PIK3AP1: variants seen among roughly 807,000 people sequenced by gnomAD.
PIK3AP1 encodes phosphoinositide-3-kinase adaptor protein 1.
A neutral mutation model predicts 88.1 loss-of-function variants in PIK3AP1; 21 were observed. The observed-to-expected ratio is 0.24, with a 90% CI of 0.17 to 0.34. The LOEUF (loss-of-function observed/expected upper bound fraction) is 0.34, where lower values mean the gene tolerates loss of function less well. PIK3AP1 is among the 10% of genes least tolerant of loss of function. PIK3AP1 has a pLI of 1.00. For missense variants in PIK3AP1, 828 were observed against 1,035.7 expected (o/e 0.80, Z 2.75); for synonymous variants, 398 against 400.0 (o/e 1.00, Z 0.06).
Position 96,709,703 on chromosome 10 carries a change from C to A in PIK3AP1, c.294G>T (p.Val98=). The change falls in exon 2 of 17, where the codon GTG becomes GTT. Residue 98 remains valine (V), a synonymous_variant. Transcript: ENST00000339364. ...CCCGCACGCCGCAGAGCAGCCTGAC[C>A]ACGCGGTGCGGAGGATGGAAAGCTC... ...LQRAFHPPHR[V]VRLLCGVRDS... The A allele has an allele frequency of 6.2e-7, 1 of 1,614,236 alleles. No individual in the cohort carries two copies.
intron 16 of PIK3AP1, among the ~76,000 whole-genome samples, chr10:96,598,011 A>G (rs148415978): frequency 6.8e-6 from 1 of 147,566 alleles, no homozygotes; most frequent in Non-Finnish European, 1.5e-5. Flanking sequence ...TTGCAGACCT[A>G]TAATTATAGT....
intron 8 of PIK3AP1, among the ~76,000 whole-genome samples, chr10:96,628,918 A>ATATATT (rs1554955404): frequency 2.9e-4 from 36 of 122,534 alleles, no homozygotes; most frequent in African/African-American, 9.9e-4. Context: ...GTGTATATAT[A>ATATATT]TATATATATA....
chr10:96,600,193 C>A (rs988246533), intron 16 of PIK3AP1, among the ~76,000 whole-genome samples: 2 of 152,216 alleles, frequency 1.3e-5, no homozygotes, highest in African/African-American at 4.8e-5. Flanking sequence ...TTGCCACACA[C>A]AGCAAGTCTC....
At chr10:96,639,374 C>T (rs955744734) in intron 8 of PIK3AP1, among the ~76,000 whole-genome samples, 2 of 152,128 alleles carry the variant, frequency 1.3e-5, no homozygotes, top group Non-Finnish European at 2.9e-5. Flanking sequence ...TGCTTCCTAT[C>T]GAGGCCAGGA....
intron 1 of PIK3AP1, among the ~76,000 whole-genome samples, chr10:96,716,497 A>T (rs565737577): frequency 6.6e-6 from 1 of 152,300 alleles, no homozygotes; most frequent in South Asian, 2.1e-4. Context: ...AATGAGGACA[A>T]TGAAATCTAT....
chr10:96,630,105 C>T lies in PIK3AP1; in HGVS notation c.1376-1612G>A, dbSNP rs531750150. On this transcript the variant is annotated intron_variant, in intron 8 of 16. Transcript: ENST00000339364. ...TTATATTTTAGCTTTTCAGCCTATTCGAAAAAATAAAGAAATGCAGTATTC... is the reference window on the plus strand; with the variant it reads ...TTATATTTTAGCTTTTCAGCCTATTTGAAAAAATAAAGAAATGCAGTATTC... 3.9e-5 allele frequency among the ~76,000 whole-genome samples: 6 copies of T among 151,922 alleles called. 1 individual carries two copies. The highest frequency in any genetic ancestry group is 1.4e-4 in the African/African-American group (6 of 41,418).
intron 2 of PIK3AP1, among the ~76,000 whole-genome samples, chr10:96,669,197 A>T (rs568693495): frequency 6.6e-6 from 1 of 152,302 alleles, no homozygotes; most frequent in South Asian, 2.1e-4. Context: ...CAAGGTCTGG[A>T]GAAACTTCCA....
At chr10:96,717,212 C>T (rs530977800) in intron 1 of PIK3AP1, among the ~76,000 whole-genome samples, 1 of 144,434 alleles carries the variant, frequency 6.9e-6, no homozygotes, top group Admixed American at 7.4e-5. Context: ...GAGCCAAGAT[C>T]GTGTCACTGC....
rs142318114 is a variant in PIK3AP1 at position 96,710,095 on chromosome 10, T to C, written c.14-112A>G. The C allele has an allele frequency of 1.2e-3, 1,281 of 1,061,778 alleles. 14 individuals carry two copies. In the African/African-American group the frequency reaches 0.018, roughly 15 times the overall value. The allele number at this position is 1,061,778 out of a possible 1,614,324, so 65.8% of individuals were successfully genotyped here. ...CACTGGGTCTGGCACCCACAATCTT[T>C]CGTGGTGTGCCTCCAGCACACCAGC... On this transcript the variant is annotated intron_variant, in intron 1 of 16. Coordinates refer to ENST00000339364, the MANE Select transcript of PIK3AP1 (RefSeq NM_152309.3).
chr10:96,598,023 GGTTTTTTTT>G (rs1461525293), intron 16 of PIK3AP1, among the ~76,000 whole-genome samples: 7 of 20,416 alleles, frequency 3.4e-4, no homozygotes, highest in East Asian at 9.6e-3. Flanking sequence ...AATTATAGTG[GGTTTTTTTT>G]GTTTTTTTGT....
chr10:96,675,712 T>A (rs572884628), intron 2 of PIK3AP1, among the ~76,000 whole-genome samples: 5 of 152,356 alleles, frequency 3.3e-5, no homozygotes, highest in African/African-American at 1.2e-4. Context: ...ATAGAGATTA[T>A]AATTCCTACC....
intron 1 of PIK3AP1, among the ~76,000 whole-genome samples, chr10:96,717,894 T>C (rs561503654): frequency 1.3e-5 from 2 of 152,336 alleles, no homozygotes; most frequent in Non-Finnish European, 2.9e-5. Context: ...TTCTCCTGGA[T>C]TTCAACAAGC....
chr10:96,620,460 G>A lies in PIK3AP1; in HGVS notation c.1833C>T (p.Leu611=), dbSNP rs746809951. The change falls in exon 12 of 17, where the codon CTC becomes CTT. Residue 611 remains leucine (L), a synonymous_variant. Transcript: ENST00000339364. ...KTPGQRQLIT[L]QEQVKLGIVN... ...CAATGCCCAGCTTCACCTGCTCCTGGAGGGTGATAAGCTGCCGCTGGCCTG... is the reference window on the plus strand; with the variant it reads ...CAATGCCCAGCTTCACCTGCTCCTGAAGGGTGATAAGCTGCCGCTGGCCTG... 1 of 1,614,146 alleles carries A rather than the reference G, an allele frequency of 6.2e-7. No homozygotes were observed. The highest frequency in any genetic ancestry group is 8.5e-7 in the Non-Finnish European group (1 of 1,180,018).
At chr10:96,673,500 C>CT (rs922559101) in intron 2 of PIK3AP1, among the ~76,000 whole-genome samples, 2 of 152,154 alleles carry the variant, frequency 1.3e-5, no homozygotes, top group African/African-American at 4.8e-5. Flanking sequence ...TACCACAGCC[C>CT]CCCCCGAAAG....
intron 16 of PIK3AP1, among the ~76,000 whole-genome samples, chr10:96,599,595 A>T (rs748843697): frequency 3.9e-5 from 6 of 152,178 alleles, no homozygotes; most frequent in Non-Finnish European, 8.8e-5. Context: ...GCTGATGCCC[A>T]GATCTGACAG....
In PIK3AP1 at chr10:96,720,298, G is replaced by A; in HGVS notation, c.13+84C>T. 6.6e-6 allele frequency: 8 copies of A among 1,210,322 alleles called. No homozygotes were observed. The highest frequency in any genetic ancestry group is 8.3e-6 in the Non-Finnish European group (8 of 959,536). 75.0% of individuals were successfully genotyped at this position (1,210,322 alleles called of 1,614,324 possible). Reference sequence around the variant, plus strand: ...CCCCGCACAGAGGACGCAAACAGAAGCAAGCGGGGGAGCGCGCCTCAAGGG... The same window carrying A: ...CCCCGCACAGAGGACGCAAACAGAAACAAGCGGGGGAGCGCGCCTCAAGGG... On this transcript the variant is annotated intron_variant, in intron 1 of 16. Coordinates refer to ENST00000339364, the MANE Select transcript of PIK3AP1 (RefSeq NM_152309.3). The surrounding 1 kb of genome is among the most constrained non-coding windows in gnomAD (Gnocchi z 4.6).
rs760055985 is a variant in PIK3AP1, at chr10:96,616,620, AC to A, written c.2014+18del. ...ACAGCAATGTCCCACACAATGCAGC[AC>A]CCTAGGAAGCCACATACCTGTCTGC... On this transcript the variant is annotated intron_variant, in intron 13 of 16. Transcript: ENST00000339364. 6.2e-7 allele frequency: 1 copy of A among 1,612,372 alleles called. No homozygotes were observed. Among genetic ancestry groups the A allele is most frequent in the South Asian group, 1.1e-5 (1 of 91,044 alleles).
At chr10:96,680,424 C>T (rs1843983842) in intron 2 of PIK3AP1, among the ~76,000 whole-genome samples, 1 of 151,958 alleles carries the variant, frequency 6.6e-6, no homozygotes, top group South Asian at 2.1e-4. Context: ...AGCCTAGTAT[C>T]CAATAGTTAT....
chr10:96,597,238 C>T (rs1848771938), intron 16 of PIK3AP1, among the ~76,000 whole-genome samples: 1 of 151,978 alleles, frequency 6.6e-6, no homozygotes, highest in South Asian at 2.1e-4. Context: ...AGCCTGCCCA[C>T]CTCTCTGCCT....
Sources: gnomAD v4.1 joint callset for allele counts (sites outside exome capture counted in the v4.1 genomes callset) on GRCh38, gnomAD v4.1.1 for gene constraint, Gnocchi (gnomAD v3.1) non-coding constraint, MANE v1.5 for transcripts, NCBI Gene and HGNC (gene_info 2026-07-23, HGNC 2026-07-21) for gene names.